ZFAND6: variants seen among roughly 807,000 people sequenced by gnomAD.
ZFAND6 encodes the protein zinc finger AN1-type containing 6, also known as AN1-type zinc finger protein 6.
In ZFAND6, 12 loss-of-function variants were observed where a neutral mutation model predicts 24.5. The observed-to-expected ratio is 0.49, with a 90% CI of 0.31 to 0.79. ZFAND6 has a LOEUF of 0.79. Among genes scored for constraint, ZFAND6 ranks in the 30% least tolerant of loss-of-function variants. The pLI, the probability that ZFAND6 is intolerant of heterozygous loss-of-function variation, is 0.04. For missense variants in ZFAND6, 207 were observed against 245.9 expected (o/e 0.84, Z 1.06); for synonymous variants, 92 against 81.5 (o/e 1.13, Z -0.69).
At chr15:80,087,767 G>A (rs2038090036) in intron 1 of ZFAND6, among the ~76,000 whole-genome samples, 1 of 152,064 alleles carries the variant, frequency 6.6e-6, no homozygotes, top group Non-Finnish European at 1.5e-5. Context: ...ACAGTACAAG[G>A]AGCTTTCATA....
intron 1 of ZFAND6, among the ~76,000 whole-genome samples, chr15:80,067,805 A>G (rs1159637721): frequency 6.6e-6 from 1 of 152,160 alleles, no homozygotes; most frequent in African/African-American, 2.4e-5. Flanking sequence ...AGATATGGCA[A>G]GTCTGAACTG....
intron 2 of ZFAND6, among the ~76,000 whole-genome samples, chr15:80,108,194 A>C (rs1382406052): frequency 6.6e-6 from 1 of 152,224 alleles, no homozygotes; most frequent in East Asian, 1.9e-4. Context: ...GTGCAGTTTC[A>C]TGAGCAGAAA....
chr15:80,123,024 G>A, intron 5 of ZFAND6: 1 of 432,152 alleles, frequency 2.3e-6, no homozygotes, highest in Non-Finnish European at 4.1e-6. Context: ...TTCAAAATTT[G>A]TTTAGTTTGG....
At chr15:80,130,864 ATTTG>A (rs982079433) in intron 5 of ZFAND6, 36 of 258,106 alleles carry the variant, frequency 1.4e-4, no homozygotes, top group African/African-American at 5.9e-4. Context: ...TTCAAGTAGT[ATTTG>A]TTTATGTGCC....
intron 1 of ZFAND6, chr15:80,072,762 CTA>C (rs899891670): frequency 6.6e-5 from 10 of 151,958 alleles, no homozygotes; most frequent in African/African-American, 2.4e-4. Flanking sequence ...AAACTGAACA[CTA>C]AAATTAAGCA....
intron 1 of ZFAND6, chr15:80,075,037 T>C (rs2037188588): frequency 1.3e-5 from 2 of 155,994 alleles, no homozygotes; most frequent in South Asian, 3.5e-4. Flanking sequence ...TCAACTTTTA[T>C]TTCAATTAAC....
chr15:80,113,375 AAT>A (rs1321843371), intron 2 of ZFAND6, among the ~76,000 whole-genome samples: 1 of 152,224 alleles, frequency 6.6e-6, no homozygotes, highest in Non-Finnish European at 1.5e-5. Flanking sequence ...TTTAAAAAAT[AAT>A]AGGTACTGGC....
At chr15:80,067,358 A>G (rs1324971276) in intron 1 of ZFAND6, among the ~76,000 whole-genome samples, 1 of 152,140 alleles carries the variant, frequency 6.6e-6, no homozygotes, top group Non-Finnish European at 1.5e-5. Flanking sequence ...ACCTTTGCAT[A>G]TGCTTTTGTT....
chr15:80,071,904 G>A (rs870994), intron 1 of ZFAND6, among the ~76,000 whole-genome samples: 114,439 of 151,932 alleles, frequency 0.75, 43,263 homozygotes, highest in Admixed American at 0.83. Context: ...AAATGTAATA[G>A]TATTTCTGCC....
intron 1 of ZFAND6, among the ~76,000 whole-genome samples, chr15:80,074,138 CTTG>C (rs1187309669): frequency 1.3e-5 from 2 of 151,918 alleles, no homozygotes; most frequent in Non-Finnish European, 2.9e-5. Context: ...AGCTCTCTGA[CTTG>C]TTGATTAGTT....
chr15:80,125,178 T>C (rs1427265406), intron 5 of ZFAND6, among the ~76,000 whole-genome samples: 1 of 152,178 alleles, frequency 6.6e-6, no homozygotes, highest in Admixed American at 6.5e-5. Context: ...CCAGTATTCT[T>C]ATGATTAGAC....
chr15:80,104,383 G>A (rs1288741280), intron 2 of ZFAND6, among the ~76,000 whole-genome samples: 1 of 152,162 alleles, frequency 6.6e-6, no homozygotes, highest in African/African-American at 2.4e-5. Context: ...ATTAGGTATG[G>A]TGGTGTGTGC....
intron 2 of ZFAND6, among the ~76,000 whole-genome samples, chr15:80,118,612 A>G (rs1008179463): frequency 6.6e-6 from 1 of 152,156 alleles, no homozygotes; most frequent in Admixed American, 6.5e-5. Flanking sequence ...TGTAGAAGAA[A>G]GAGGGTTCTA....
chr15:80,095,423 A>T (rs1321877051), intron 1 of ZFAND6, among the ~76,000 whole-genome samples: 2 of 152,134 alleles, frequency 1.3e-5, no homozygotes, highest in Non-Finnish European at 2.9e-5. Context: ...AGGTTCCTCT[A>T]CTTAAGTTAA....
intron 2 of ZFAND6, among the ~76,000 whole-genome samples, chr15:80,119,926 A>C (rs192222775): frequency 6.6e-6 from 1 of 152,362 alleles, no homozygotes; most frequent in Admixed American, 6.5e-5. Flanking sequence ...ACTTCCAGCA[A>C]AAGTTTAAAT....
At chr15:80,086,567 T>G (rs2141878483) in intron 1 of ZFAND6, among the ~76,000 whole-genome samples, 1 of 152,212 alleles carries the variant, frequency 6.6e-6, no homozygotes, top group East Asian at 1.9e-4. Context: ...TCTTGACATT[T>G]CATATAAATG....
intron 1 of ZFAND6, among the ~76,000 whole-genome samples, chr15:80,091,636 TA>T (rs201061212): frequency 3.4e-5 from 5 of 146,928 alleles, no homozygotes; most frequent in East Asian, 2.0e-4. Flanking sequence ...TATTTACTAT[TA>T]AAAAAAAAAC....
chr15:80,073,890 T>A (rs1032294614), intron 1 of ZFAND6, among the ~76,000 whole-genome samples: 3 of 151,970 alleles, frequency 2.0e-5, no homozygotes, highest in African/African-American at 7.2e-5. Context: ...TTCGTCATTT[T>A]TAATAGTATT....
chr15:80,100,249 G>A (rs560106903), intron 2 of ZFAND6, among the ~76,000 whole-genome samples: 1 of 152,246 alleles, frequency 6.6e-6, no homozygotes, highest in East Asian at 1.9e-4. Flanking sequence ...GTTTAATTTG[G>A]TGCTGCTATT....
Sources: gnomAD v4.1 joint callset for allele counts (sites outside exome capture counted in the v4.1 genomes callset) on GRCh38, gnomAD v4.1.1 for gene constraint, MANE v1.5 for transcripts, NCBI Gene and HGNC (gene_info 2026-07-23, HGNC 2026-07-21) for gene names.